CNTLN: variants seen among roughly 807,000 people sequenced by gnomAD.
CNTLN encodes centlein, centrosomal protein.
Under a neutral mutation model 180.0 loss-of-function variants are expected in CNTLN, and 212 were observed. That is an observed-to-expected ratio of 1.18 (90% CI 1.05 to 1.32). The LOEUF is 1.32. CNTLN is among the 40% of genes most tolerant of loss of function. The probability of loss-of-function intolerance (pLI) is 0.00; values close to 1 mark genes in which losing one functional copy is unlikely to be tolerated. For missense variants in CNTLN, 2,095 were observed against 1,610.9 expected, an observed-to-expected ratio of 1.30 and a Z score of -5.14; for synonymous variants, 722 against 563.1, an observed-to-expected ratio of 1.28 and a Z score of -3.99.
At chr9:17,366,538 A>T in intron 12 of CNTLN, 79 bp from the exon 13 acceptor site, 1 of 600,922 alleles carries the variant, frequency 1.7e-6, no homozygotes, top group Middle Eastern at 4.7e-4. Context: ...ATTATTTAGA[A>T]ATATATTTAA....
At chr9:17,383,546 T>A (rs1056635421) in intron 13 of CNTLN, among the ~76,000 whole-genome samples, 20 of 151,970 alleles carry the variant, frequency 1.3e-4, no homozygotes, top group East Asian at 1.9e-4. Flanking sequence ...ATTAAAAAAA[T>A]TATTTTTAAA....
At chr9:17,468,189 T>C (rs2383017) in intron 23 of CNTLN, among the ~76,000 whole-genome samples, 7,964 of 151,504 alleles carry the variant, frequency 0.053, 240 homozygotes, top group Middle Eastern at 0.12. Flanking sequence ...ACCTAAACAT[T>C]GAGTACACAT....
intron 2 of CNTLN, among the ~76,000 whole-genome samples, chr9:17,170,253 A>T (rs1202197516): frequency 1.3e-5 from 2 of 152,144 alleles, no homozygotes; most frequent in Non-Finnish European, 2.9e-5. Context: ...ACTTAACTAA[A>T]TTTGTTTACT....
At chr9:17,202,132 A>G (rs1211031901) in intron 2 of CNTLN, among the ~76,000 whole-genome samples, 1 of 152,200 alleles carries the variant, frequency 6.6e-6, no homozygotes, top group Non-Finnish European at 1.5e-5. Context: ...ATTCCCATGT[A>G]GCTGTGAGGT....
At chr9:17,521,359 A>G in the CNTLN span, among the ~76,000 whole-genome samples, 2 of 150,852 alleles carry the variant, frequency 1.3e-5, no homozygotes, top group Admixed American at 6.7e-5. Flanking sequence ...TCTTAGGTGT[A>G]AGTAAGAAAA....
At chr9:17,514,153 TA>T in the CNTLN span, among the ~76,000 whole-genome samples, 3 of 145,734 alleles carry the variant, frequency 2.1e-5, no homozygotes, top group Admixed American at 6.7e-5. Context: ...GCAAATAGGT[TA>T]AAAAAAAAAA....
intron 6 of CNTLN, among the ~76,000 whole-genome samples, chr9:17,294,997 C>T (rs1817759618): frequency 6.6e-6 from 1 of 151,460 alleles, no homozygotes; most frequent in African/African-American, 2.4e-5. Context: ...CAGCTAAGGC[C>T]CGGTGAGAAA....
chr9:17,252,156 A>G (rs1826183277), intron 5 of CNTLN, among the ~76,000 whole-genome samples: 1 of 151,850 alleles, frequency 6.6e-6, no homozygotes, highest in South Asian at 2.1e-4. Context: ...ACTTAGGTTG[A>G]TGCCATATCT....
chr9:17,178,546 C>G (rs144411197), intron 2 of CNTLN, among the ~76,000 whole-genome samples: 2,886 of 152,186 alleles, frequency 0.019, 56 homozygotes, highest in African/African-American at 0.05. Context: ...TCAGGCATGG[C>G]GAATTGCAGG....
chr9:17,461,390 C>T (rs941987297), intron 19 of CNTLN, among the ~76,000 whole-genome samples: 3 of 151,574 alleles, frequency 2.0e-5, no homozygotes, highest in Admixed American at 6.6e-5. Context: ...TCACTGTAAA[C>T]GTGCAAAATA....
At chr9:17,261,755 G>T (rs200909200) in intron 5 of CNTLN, among the ~76,000 whole-genome samples, 1 of 151,120 alleles carries the variant, frequency 6.6e-6, no homozygotes. Context: ...AACTAAAGAG[G>T]TTCTGCACAG....
At chr9:17,386,601 C>T (rs1265880047) in intron 13 of CNTLN, among the ~76,000 whole-genome samples, 1 of 152,120 alleles carries the variant, frequency 6.6e-6, no homozygotes, top group Non-Finnish European at 1.5e-5. Context: ...AGCTTATCTT[C>T]TTGAGCGTTC....
intron 7 of CNTLN, chr9:17,301,611 C>T (rs1029953493): frequency 1.0e-6 from 1 of 982,114 alleles, no homozygotes; most frequent in African/African-American, 1.8e-5. Context: ...AATTGTACCT[C>T]CCACTGTAAT....
the CNTLN span, among the ~76,000 whole-genome samples, chr9:17,516,115 CT>C: frequency 6.6e-6 from 1 of 152,176 alleles, no homozygotes; most frequent in Non-Finnish European, 1.5e-5. Context: ...GATTTTATCC[CT>C]CCTTTCATTC....
At chr9:17,342,563 TA>T in intron 12 of CNTLN, 119 bp downstream of exon 12, 1 of 936,078 alleles carries the variant, frequency 1.1e-6, no homozygotes, top group Non-Finnish European at 1.5e-6. Context: ...TTTTTGCCAA[TA>T]AAAGTAAAGA....
rs138198740 is a variant in CNTLN at position 17,403,957 on chromosome 9, A to G, written c.2616-5336A>G. On this transcript the variant is annotated intron_variant, in intron 15 of 25. Transcript: ENST00000380647. ...CACCCGGCTAATTTTTGTATTTTTA[A>G]TAGAGATGGGGTTTCACTATTTTGG... Among the ~76,000 whole-genome samples, 543 of 151,620 alleles carry G rather than the reference A, an allele frequency of 3.6e-3. 15 individuals carry two copies. The highest frequency in any genetic ancestry group is 0.012 in the African/African-American group (505 of 41,086).
At chr9:17,238,042 C>G (rs1286480494) in intron 5 of CNTLN, among the ~76,000 whole-genome samples, 1 of 151,798 alleles carries the variant, frequency 6.6e-6, no homozygotes, top group Non-Finnish European at 1.5e-5. Flanking sequence ...ATTTTTATTT[C>G]CTTATTTATT....
rs184761000 is a variant in CNTLN, at chr9:17,295,469, G to A, written c.984-2721G>A. Among the ~76,000 whole-genome samples, 9 of 152,174 alleles carry A rather than the reference G, an allele frequency of 5.9e-5. No individual in the cohort carries two copies. The East Asian group carries it at 1.6e-3, about 26-fold the overall frequency. On this transcript the variant is annotated intron_variant, in intron 6 of 25. Transcript: ENST00000380647. ...ACTCTGTGTGGCTCCCAGGTGGGCC[G>A]TCGCACCACCCTGCTTTTCCTTGCT...
chr9:17,301,035 G>A, intron 7 of CNTLN: 1 of 985,140 alleles, frequency 1.0e-6, no homozygotes, highest in Non-Finnish European at 1.2e-6. Flanking sequence ...AGGGAAATAT[G>A]GGAGCATAAC....
Sources: gnomAD v4.1 joint callset for allele counts (sites outside exome capture counted in the v4.1 genomes callset) on GRCh38, gnomAD v4.1.1 for gene constraint, MANE v1.5 for transcripts, NCBI Gene and HGNC (gene_info 2026-07-23, HGNC 2026-07-21) for gene names.